GSK3B: variants seen among roughly 807,000 people sequenced by gnomAD.
GSK3B encodes the protein glycogen synthase kinase-3 beta.
A neutral mutation model predicts 56.4 loss-of-function variants in GSK3B; 15 were observed. That is an observed-to-expected ratio of 0.27 (90% CI 0.18 to 0.41). GSK3B has a LOEUF of 0.41. GSK3B is among the 10% of genes least tolerant of loss of function. The pLI is 1.00. For synonymous variants in GSK3B, 181 were observed against 188.9 expected (o/e 0.96, Z 0.34); for missense variants, 300 against 513.4 (o/e 0.58, Z 4.02).
At chr3:120,005,214 A>G (rs553595629) in intron 1 of GSK3B, among the ~76,000 whole-genome samples, 89 of 152,260 alleles carry the variant, frequency 5.8e-4, no homozygotes, top group African/African-American at 2.1e-3. Context: ...AAGCGAGAAG[A>G]CAAGATTAGA....
chr3:120,035,227 G>A (rs1235591360), intron 1 of GSK3B, among the ~76,000 whole-genome samples: 2 of 152,146 alleles, frequency 1.3e-5, no homozygotes, highest in Admixed American at 6.5e-5. Flanking sequence ...ACAGGTAGAG[G>A]AAATCTAAGT....
chr3:119,876,853 T>C (rs1482623687), intron 7 of GSK3B, among the ~76,000 whole-genome samples: 6 of 152,278 alleles, frequency 3.9e-5, no homozygotes, highest in African/African-American at 1.4e-4. Flanking sequence ...TCTTGCCTTG[T>C]CTTGACTTTC....
intron 2 of GSK3B, among the ~76,000 whole-genome samples, chr3:119,970,829 C>G (rs1360657962): frequency 6.6e-6 from 1 of 151,344 alleles, no homozygotes; most frequent in Non-Finnish European, 1.5e-5. Flanking sequence ...AAATAAAAAA[C>G]AAAAACAATC....
Position 119,826,553 on chromosome 3 carries a change from AC to A in GSK3B, c.*234del. 1 of 376,016 alleles carries A rather than the reference AC, an allele frequency of 2.7e-6. No homozygotes were observed. Among genetic ancestry groups the A allele is most frequent in the Non-Finnish European group, 5.2e-6 (1 of 192,604 alleles). 23.3% of individuals were successfully genotyped at this position (376,016 alleles called of 1,614,324 possible). A position where few individuals can be genotyped will look rare whatever the true frequency, so the allele number is the denominator to read the frequency against. ...CTAGTGCTCCGCTTTCCCCCTCCCC[AC>A]AACCCCTCCCACCCCCTGGATCTCC... On this transcript the variant is annotated 3_prime_UTR_variant, in exon 11 of 11. Transcript: ENST00000264235.
In GSK3B at chr3:119,822,372, T is replaced by C. The variant is rs953729758; in HGVS notation, c.*4416A>G. ...TCGGCAACACATTTATAAATGCAAA[T>C]TTTACAGGCAAGCAGATTTTCATAC... On this transcript the variant is annotated 3_prime_UTR_variant, in exon 11 of 11. Transcript: ENST00000264235. The C allele has an allele frequency of 1.4e-5, 3 of 209,738 alleles. No individual in the cohort carries two copies. The East Asian group carries it at 2.2e-4, about 15-fold the overall frequency. 13.0% of individuals were successfully genotyped at this position (209,738 alleles called of 1,614,324 possible). A position where few individuals can be genotyped will look rare whatever the true frequency, so the allele number is the denominator to read the frequency against.
intron 7 of GSK3B, among the ~76,000 whole-genome samples, chr3:119,890,283 A>G (rs2056487269): frequency 6.6e-6 from 1 of 152,142 alleles, no homozygotes; most frequent in Non-Finnish European, 1.5e-5. Flanking sequence ...TATACTCATA[A>G]AACAGAATAC....
intron 8 of GSK3B, among the ~76,000 whole-genome samples, chr3:119,872,078 C>T (rs936704914): frequency 6.6e-6 from 1 of 151,942 alleles, no homozygotes; most frequent in Admixed American, 6.6e-5. Context: ...CGAAAGTGGG[C>T]GGGAAGGCAC....
rs548562100 is a variant in GSK3B at position 120,084,993 on chromosome 3, A to G, written c.88+8354T>C. On this transcript the variant is annotated intron_variant, in intron 1 of 10. Transcript: ENST00000264235. ...TCTACTATAGAAATCATTAATCCGTAAAGATTCAGAATACCTATGAAAGGA... is the reference window on the plus strand; with the variant it reads ...TCTACTATAGAAATCATTAATCCGTGAAGATTCAGAATACCTATGAAAGGA... Among the ~76,000 whole-genome samples, 6 of 152,334 alleles carry G rather than the reference A, an allele frequency of 3.9e-5. No homozygotes were observed. The South Asian group carries it at 1.2e-3, about 32-fold the overall frequency.
chr3:119,826,958 C>T, intron 10 of GSK3B, 103 bp from the exon 11 acceptor site: 4 of 714,156 alleles, frequency 5.6e-6, no homozygotes, highest in Non-Finnish European at 9.9e-6. Flanking sequence ...TATGGCCTTC[C>T]AAGCTGTTAT....
intron 9 of GSK3B, among the ~76,000 whole-genome samples, chr3:119,858,308 C>T (rs2056049352): frequency 6.6e-6 from 1 of 152,226 alleles, no homozygotes; most frequent in Admixed American, 6.5e-5. Context: ...GTTCTGTCTC[C>T]ACTGAAAATC....
chr3:120,074,043 G>A (rs1425979024), intron 1 of GSK3B, among the ~76,000 whole-genome samples: 1 of 152,128 alleles, frequency 6.6e-6, no homozygotes, highest in Non-Finnish European at 1.5e-5. Context: ...CGCTGCTCAC[G>A]ACTGTAATCC....
chr3:119,932,504 G>T (rs1164592960), intron 3 of GSK3B, among the ~76,000 whole-genome samples: 17 of 139,506 alleles, frequency 1.2e-4, no homozygotes, highest in African/African-American at 3.9e-4. Context: ...TTACCAAAGG[G>T]TTTTTTTTTT....
intron 10 of GSK3B, among the ~76,000 whole-genome samples, chr3:119,834,035 C>T (rs2055648796): frequency 6.6e-6 from 1 of 152,130 alleles, no homozygotes; most frequent in Non-Finnish European, 1.5e-5. Context: ...TTACTACGCT[C>T]TTGCCCAATA....
intron 1 of GSK3B, among the ~76,000 whole-genome samples, chr3:120,038,886 A>G (rs2058043410): frequency 6.6e-6 from 1 of 152,118 alleles, no homozygotes; most frequent in African/African-American, 2.4e-5. Context: ...AAAGAAAGAC[A>G]CTATGAAACA....
Position 120,094,377 on chromosome 3 carries a change from T to C in GSK3B, c.-943A>G. On this transcript the variant is annotated 5_prime_UTR_variant, in exon 1 of 11. Coordinates refer to ENST00000264235, the MANE Select transcript of GSK3B (RefSeq NM_001146156.2). Reference sequence around the variant, plus strand: ...CTCGCTTCCTTCCTTCCTTTGTCACTTGGCCCGGGCGGCGGCGGCGGCGGC... The same window carrying C: ...CTCGCTTCCTTCCTTCCTTTGTCACCTGGCCCGGGCGGCGGCGGCGGCGGC... 3.4e-6 allele frequency: 1 copy of C among 297,398 alleles called. No individual in the cohort carries two copies. The highest frequency in any genetic ancestry group is 6.3e-6 in the Non-Finnish European group (1 of 159,962). 18.4% of individuals were successfully genotyped at this position (297,398 alleles called of 1,614,324 possible). A position where few individuals can be genotyped will look rare whatever the true frequency, so the allele number is the denominator to read the frequency against.
intron 8 of GSK3B, among the ~76,000 whole-genome samples, chr3:119,865,446 ATATATATATATATATATATATTTTTT>A (rs2056164431): frequency 6.2e-5 from 1 of 16,050 alleles, no homozygotes; most frequent in Non-Finnish European, 1.8e-4. Flanking sequence ...ATATATATAT[ATATATATATATATATATATATTTTTT>A]TTTTTTTTTT....
intron 1 of GSK3B, among the ~76,000 whole-genome samples, chr3:120,051,013 TG>T (rs754378497): frequency 6.6e-6 from 1 of 152,120 alleles, no homozygotes; most frequent in East Asian, 1.9e-4. Context: ...TGAAGTGTTA[TG>T]GGTCACTGTA....
At chr3:119,939,410 G>A (rs1420891978) in intron 3 of GSK3B, among the ~76,000 whole-genome samples, 1 of 152,130 alleles carries the variant, frequency 6.6e-6, no homozygotes, top group African/African-American at 2.4e-5. Context: ...CAGAAGGATT[G>A]CCTGCTGCCA....
intron 4 of GSK3B, among the ~76,000 whole-genome samples, chr3:119,922,966 A>G (rs912287511): frequency 1.3e-5 from 2 of 152,194 alleles, no homozygotes; most frequent in Non-Finnish European, 2.9e-5. Context: ...TACAGATGCT[A>G]AAAAATATAT....
Sources: gnomAD v4.1 joint callset for allele counts (sites outside exome capture counted in the v4.1 genomes callset) on GRCh38, gnomAD v4.1.1 for gene constraint, MANE v1.5 for transcripts, NCBI Gene and HGNC (gene_info 2026-07-23, HGNC 2026-07-21) for gene names.